Variants in SMYD3 observed in about 807,000 individuals in gnomAD.
SMYD3 encodes histone-lysine N-methyltransferase SMYD3.
Under a neutral mutation model 57.7 loss-of-function variants are expected in SMYD3, and 36 were observed. That is an observed-to-expected ratio of 0.62 (90% CI 0.48 to 0.82). SMYD3 has a LOEUF of 0.82. Among genes scored for constraint, SMYD3 ranks in the 40% least tolerant of loss-of-function variants. The pLI, the probability that SMYD3 is intolerant of heterozygous loss-of-function variation, is 0.00. For synonymous variants in SMYD3, 211 were observed against 195.0 expected, an observed-to-expected ratio of 1.08 and a Z score of -0.68; for missense variants, 515 against 538.8, an observed-to-expected ratio of 0.96 and a Z score of 0.44.
intron 5 of SMYD3, among the ~76,000 whole-genome samples, chr1:246,314,677 T>C (rs958563077): frequency 6.6e-6 from 1 of 152,070 alleles, no homozygotes; most frequent in Admixed American, 6.6e-5. Context: ...ATCCACATAC[T>C]CAAATATGTA....
At chr1:245,792,874 G>A (rs1572347356) in intron 10 of SMYD3, among the ~76,000 whole-genome samples, 4 of 152,274 alleles carry the variant, frequency 2.6e-5, no homozygotes, top group Admixed American at 2.6e-4. Context: ...CATCTCAGTG[G>A]CTGCTGCCAT....
At chr1:246,205,674 G>C (rs1272045759) in intron 5 of SMYD3, among the ~76,000 whole-genome samples, 1 of 152,134 alleles carries the variant, frequency 6.6e-6, no homozygotes, top group Admixed American at 6.5e-5. Context: ...ACAAAAATTA[G>C]CTGGGCATGG....
chr1:245,795,103 C>A (rs1031571725), intron 10 of SMYD3, among the ~76,000 whole-genome samples: 5 of 152,142 alleles, frequency 3.3e-5, no homozygotes, highest in African/African-American at 4.8e-5. Flanking sequence ...TTGCATCCTA[C>A]CCCCACAAGT....
At chr1:246,035,761 C>T (rs2059763538) in intron 5 of SMYD3, among the ~76,000 whole-genome samples, 1 of 152,156 alleles carries the variant, frequency 6.6e-6, no homozygotes, top group Non-Finnish European at 1.5e-5. Flanking sequence ...CCACTTCAGG[C>T]AAATCTTGCC....
chr1:246,475,717 C>G (rs2068021946), intron 1 of SMYD3, among the ~76,000 whole-genome samples: 1 of 152,010 alleles, frequency 6.6e-6, no homozygotes. Flanking sequence ...TAGGCTCAAG[C>G]AATCCTCCCG....
At chr1:246,267,195 C>T (rs1260538375) in intron 5 of SMYD3, among the ~76,000 whole-genome samples, 4 of 151,962 alleles carry the variant, frequency 2.6e-5, no homozygotes, top group Non-Finnish European at 4.4e-5. Context: ...TAAGAGATAA[C>T]GGAATACATA....
intron 1 of SMYD3, among the ~76,000 whole-genome samples, chr1:246,400,762 C>T (rs1385213621): frequency 6.6e-6 from 1 of 151,428 alleles, no homozygotes; most frequent in Non-Finnish European, 1.5e-5. Flanking sequence ...ACAAAGCAGC[C>T]AAGAGAAACA....
intron 1 of SMYD3, among the ~76,000 whole-genome samples, chr1:246,487,781 G>A (rs2068210740): frequency 6.7e-6 from 1 of 149,850 alleles, no homozygotes; most frequent in Non-Finnish European, 1.5e-5. Flanking sequence ...CACAACCTCT[G>A]CCTCCTGGGT....
chr1:245,958,129 A>T (rs917415234), intron 5 of SMYD3, among the ~76,000 whole-genome samples: 7 of 152,184 alleles, frequency 4.6e-5, no homozygotes, highest in African/African-American at 1.7e-4. Flanking sequence ...GGGAGAAGCT[A>T]CTATCACCCT....
At chr1:245,830,482 G>A (rs926219398) in intron 10 of SMYD3, among the ~76,000 whole-genome samples, 19 of 152,154 alleles carry the variant, frequency 1.2e-4, no homozygotes, top group Admixed American at 8.5e-4. Context: ...TTGACATGTG[G>A]GGATTATTAT....
intron 5 of SMYD3, among the ~76,000 whole-genome samples, chr1:246,246,280 C>T (rs1205427089): frequency 1.3e-5 from 2 of 152,120 alleles, no homozygotes; most frequent in African/African-American, 4.8e-5. Context: ...CGGTATGATC[C>T]TTGATCTTAC....
intron 1 of SMYD3, among the ~76,000 whole-genome samples, chr1:246,496,600 G>A (rs1484570101): frequency 2.0e-5 from 3 of 152,156 alleles, no homozygotes; most frequent in Non-Finnish European, 2.9e-5. Context: ...GGCCGATGCA[G>A]GTGAATTGCT....
chr1:246,044,815 T>G (rs552594946), intron 5 of SMYD3, among the ~76,000 whole-genome samples: 1 of 152,302 alleles, frequency 6.6e-6, no homozygotes, highest in Non-Finnish European at 1.5e-5. Context: ...AGTGGTGAAG[T>G]GTTAAAGCCA....
At chr1:245,980,127 T>C (rs2058559546) in intron 5 of SMYD3, among the ~76,000 whole-genome samples, 2 of 152,306 alleles carry the variant, frequency 1.3e-5, no homozygotes, top group South Asian at 4.1e-4. Flanking sequence ...CCTGCTGAAT[T>C]ACAACGAGGG....
chr1:245,828,951 A>C (rs4654126), intron 10 of SMYD3, among the ~76,000 whole-genome samples: 131,950 of 151,970 alleles, frequency 0.87, 57,947 homozygotes, highest in Non-Finnish European at 0.95. Flanking sequence ...GATCTGCCTG[A>C]CTCGGCCTCC....
At chr1:246,478,558 C>T (rs2068058795) in intron 1 of SMYD3, among the ~76,000 whole-genome samples, 1 of 105,320 alleles carries the variant, frequency 9.5e-6, no homozygotes, top group African/African-American at 4.0e-5. Context: ...TGTCCTCTGT[C>T]CTGGAGCTGG....
intron 5 of SMYD3, among the ~76,000 whole-genome samples, chr1:246,050,188 T>G (rs1467341681): frequency 6.6e-6 from 1 of 152,232 alleles, no homozygotes; most frequent in Non-Finnish European, 1.5e-5. Context: ...TTTTCTTTCT[T>G]TCTCTAATTA....
At chr1:246,226,901 T>C (rs2063338119) in intron 5 of SMYD3, among the ~76,000 whole-genome samples, 2 of 152,242 alleles carry the variant, frequency 1.3e-5, no homozygotes, top group South Asian at 2.1e-4. Flanking sequence ...GAAGACCTTA[T>C]AAATCATCTA....
intron 5 of SMYD3, among the ~76,000 whole-genome samples, chr1:246,315,280 G>A (rs566541269): frequency 6.6e-6 from 1 of 152,322 alleles, no homozygotes; most frequent in South Asian, 2.1e-4. Context: ...AGACAACTTA[G>A]AAAGTAGGGG....
Sources: gnomAD v4.1 joint callset for allele counts (sites outside exome capture counted in the v4.1 genomes callset) on GRCh38, gnomAD v4.1.1 for gene constraint, MANE v1.5 for transcripts, NCBI Gene and HGNC (gene_info 2026-07-23, HGNC 2026-07-21) for gene names.